The following SPON1 variants were observed in gnomAD, a reference collection of about 807,000 sequenced individuals.
SPON1 encodes the protein spondin 1.
A neutral mutation model predicts 111.7 loss-of-function variants in SPON1; 52 were observed. The ratio of observed to expected loss-of-function variants is 0.47; its 90% CI spans 0.37 to 0.59. The LOEUF (loss-of-function observed/expected upper bound fraction) is 0.59. SPON1 is among the 20% of genes least tolerant of loss of function. The pLI, the probability that SPON1 is intolerant of heterozygous loss-of-function variation, is 0.00. For synonymous variants in SPON1, 410 were observed against 395.8 expected, an observed-to-expected ratio of 1.04 and a Z score of -0.43; for missense variants, 957 against 1,068.5, an observed-to-expected ratio of 0.90 and a Z score of 1.46.
chr11:14,006,936 A>G (rs61884818), intron 2 of SPON1, among the ~76,000 whole-genome samples: 3,091 of 152,344 alleles, frequency 0.02, 51 homozygotes, highest in Middle Eastern at 0.044. Context: ...TCTGGGGTCC[A>G]GAAATTCAAA....
intron 6 of SPON1, among the ~76,000 whole-genome samples, chr11:14,186,641 T>C (rs543543039): frequency 3.5e-4 from 54 of 152,374 alleles, no homozygotes; most frequent in Middle Eastern, 3.4e-3. Flanking sequence ...CTGCTTATGC[T>C]GTACCCACCC....
At chr11:14,101,310 G>C (rs1849142251) in intron 5 of SPON1, among the ~76,000 whole-genome samples, 1 of 152,066 alleles carries the variant, frequency 6.6e-6, no homozygotes, top group Non-Finnish European at 1.5e-5. Flanking sequence ...TGAGGCAGGA[G>C]AATTGCTTGA....
intron 5 of SPON1, among the ~76,000 whole-genome samples, chr11:14,115,090 T>TA (rs1321865601): frequency 6.6e-6 from 1 of 152,140 alleles, no homozygotes; most frequent in Non-Finnish European, 1.5e-5. Context: ...CTTTGCCTCT[T>TA]ACAGGCTCAC....
At chr11:14,129,197 G>C (rs889993804) in intron 5 of SPON1, among the ~76,000 whole-genome samples, 4 of 151,932 alleles carry the variant, frequency 2.6e-5, no homozygotes, top group South Asian at 2.1e-4. Flanking sequence ...TACCACATAG[G>C]CTGCAAATTT....
In SPON1 at chr11:14,113,704, G is replaced by A. The variant is rs868916599; in HGVS notation, c.677-21716G>A. Among the ~76,000 whole-genome samples the A allele has an allele frequency of 5.5e-4, 78 of 142,060 alleles. 1 individual carries two copies. The highest frequency in any genetic ancestry group is 1.9e-3 in the African/African-American group (74 of 38,252). 93.2% of individuals were successfully genotyped at this position (142,060 alleles called of 152,430 possible). ...TGCAAGCTCCGCCTCCCGGGTTCAC[G>A]CCATTCTCCTGCCTCAGCCTCCCGC... On this transcript the variant is annotated intron_variant, in intron 5 of 15. Coordinates refer to ENST00000576479, the MANE Select transcript of SPON1 (RefSeq NM_006108.4).
chr11:14,133,186 A>G (rs1307463848), intron 5 of SPON1, among the ~76,000 whole-genome samples: 1 of 152,222 alleles, frequency 6.6e-6, no homozygotes, highest in African/African-American at 2.4e-5. Context: ...ATCACGGTGA[A>G]TCAAATCTGT....
chr11:14,157,755 G>A (rs550418402), intron 6 of SPON1, among the ~76,000 whole-genome samples: 1 of 151,826 alleles, frequency 6.6e-6, no homozygotes, highest in South Asian at 2.1e-4. Flanking sequence ...CTTTAGCGTG[G>A]ATATTTCCTA....
chr11:14,259,584 G>C lies in SPON1; in HGVS notation c.1714G>C (p.Ala572Pro). The C allele has an allele frequency of 3.9e-6, 6 of 1,553,276 alleles. No individual in the cohort carries two copies. The highest frequency in any genetic ancestry group is 5.2e-6 in the Non-Finnish European group (6 of 1,148,584). ...TEWGEWDECS[A>P]TCGMGMKKRH... ...GTGGGGCGAGTGGGACGAGTGCAGCGCCACCTGCGGCATGGGCATGAAGAA... is the reference window on the plus strand; with the variant it reads ...GTGGGGCGAGTGGGACGAGTGCAGCCCCACCTGCGGCATGGGCATGAAGAA... Residue 572 changes from alanine to proline, a missense_variant, in exon 13 of 16, where the codon GCC (alanine) becomes CCC (proline). Around this residue, in one of 5 missense-constraint regions of SPON1, gnomAD observed 549 missense variants for 606.2 expected, o/e 0.91. Transcript: ENST00000576479. This position sits in a 1 kb window ranked among gnomAD's most constrained non-coding sequence, Gnocchi z 5.0.
At chr11:14,075,553 C>T in intron 4 of SPON1, 135 bp downstream of exon 4, 2 of 643,196 alleles carry the variant, frequency 3.1e-6, no homozygotes, top group Non-Finnish European at 5.5e-6. Flanking sequence ...CACGTAGCTC[C>T]GATTTTTAAT....
chr11:14,144,634 CAATAATAATAAT>C (rs71041573), intron 6 of SPON1, among the ~76,000 whole-genome samples: 15 of 142,982 alleles, frequency 1.0e-4, no homozygotes, highest in South Asian at 2.3e-4. Flanking sequence ...ACTCCATCTC[CAATAATAATAAT>C]AATAATAATA....
At chr11:13,968,938 A>G (rs1426904490) in intron 1 of SPON1, among the ~76,000 whole-genome samples, 3 of 152,124 alleles carry the variant, frequency 2.0e-5, no homozygotes, top group African/African-American at 7.3e-5. Context: ...AAGATGAAAC[A>G]AAGTAAATTT....
intron 2 of SPON1, among the ~76,000 whole-genome samples, chr11:14,022,836 G>A (rs1848490685): frequency 6.6e-6 from 1 of 152,318 alleles, no homozygotes; most frequent in East Asian, 1.9e-4. Context: ...TCCAAAGAAC[G>A]CTTTGAGTTG....
intron 1 of SPON1, among the ~76,000 whole-genome samples, chr11:13,981,606 G>A (rs1013186349): frequency 6.6e-5 from 10 of 152,180 alleles, no homozygotes; most frequent in African/African-American, 1.7e-4. Flanking sequence ...GATTACAGGC[G>A]TGAGCCACCG....
intron 1 of SPON1, among the ~76,000 whole-genome samples, chr11:13,964,537 C>T (rs956843144): frequency 2.6e-5 from 4 of 152,230 alleles, no homozygotes; most frequent in Admixed American, 6.5e-5. Flanking sequence ...TTTCTCCACC[C>T]GGAGCTACCC....
intron 2 of SPON1, among the ~76,000 whole-genome samples, chr11:14,025,961 A>G (rs1474484265): frequency 6.6e-6 from 1 of 152,102 alleles, no homozygotes; most frequent in East Asian, 1.9e-4. Flanking sequence ...TCTTTATCCT[A>G]CAATACACCA....
chr11:14,062,002 G>T (rs1343989112), intron 3 of SPON1, among the ~76,000 whole-genome samples: 1 of 152,326 alleles, frequency 6.6e-6, no homozygotes, highest in East Asian at 1.9e-4. Context: ...TGGGATGTGG[G>T]AGAGCTTGGC....
chr11:14,079,494 C>T (rs546954624), intron 4 of SPON1, among the ~76,000 whole-genome samples: 1 of 152,192 alleles, frequency 6.6e-6, no homozygotes, highest in East Asian at 1.9e-4. Flanking sequence ...CTAGAGAAAG[C>T]ACACATGTGT....
intron 5 of SPON1, among the ~76,000 whole-genome samples, chr11:14,082,681 G>A (rs768631754): frequency 1.1e-4 from 17 of 152,212 alleles, no homozygotes; most frequent in Admixed American, 4.6e-4. Context: ...GACTGGAGCC[G>A]TTTAAAAGGA....
At chr11:13,964,696 G>T (rs1352922437) in intron 1 of SPON1, among the ~76,000 whole-genome samples, 1 of 152,182 alleles carries the variant, frequency 6.6e-6, no homozygotes, top group Non-Finnish European at 1.5e-5. Flanking sequence ...CCGGGAGGGA[G>T]CGCGCGGCTT....
Sources: gnomAD v4.1 joint callset for allele counts (sites outside exome capture counted in the v4.1 genomes callset) on GRCh38, gnomAD v4.1.1 for gene constraint, gnomAD v4.1.1 regional missense constraint, Gnocchi (gnomAD v3.1) non-coding constraint, MANE v1.5 for transcripts, NCBI Gene and HGNC (gene_info 2026-07-23, HGNC 2026-07-21) for gene names.